PLCXD3: variants seen among roughly 807,000 people sequenced by gnomAD.
PLCXD3 encodes PI-PLC X domain-containing protein 3.
Under a neutral mutation model 25.5 loss-of-function variants are expected in PLCXD3, and 19 were observed. The ratio of observed to expected loss-of-function variants is 0.75; its 90% confidence interval spans 0.52 to 1.09. PLCXD3 has a LOEUF of 1.09. PLCXD3 is among the 50% of genes least tolerant of loss of function. PLCXD3 has a pLI of 0.00. For missense variants in PLCXD3, 411 were observed against 388.1 expected, an observed-to-expected ratio of 1.06 and a Z score of -0.50; for synonymous variants, 174 against 137.6, an observed-to-expected ratio of 1.26 and a Z score of -1.85.
intron 1 of PLCXD3, among the ~76,000 whole-genome samples, chr5:41,490,030 C>A (rs1373156840): frequency 1.3e-5 from 2 of 151,944 alleles, no homozygotes; most frequent in East Asian, 3.9e-4. Flanking sequence ...AAAGGGAATG[C>A]TTCCAGTTTT....
At position 41,383,434 on chromosome 5, in the gene PLCXD3, A is replaced by G. The variant is rs575818977; in HGVS notation, c.104-900T>C. ...ATGAACATGTGTGTGATTTGTCACAAATAGAGAGTGCCATTTGAAACTCTT... is the reference window on the plus strand; with the variant it reads ...ATGAACATGTGTGTGATTTGTCACAGATAGAGAGTGCCATTTGAAACTCTT... On this transcript the variant is annotated intron_variant, in intron 1 of 2. Coordinates refer to ENST00000377801, the MANE Select transcript of PLCXD3 (RefSeq NM_001005473.3). Among the ~76,000 whole-genome samples, 145 of 152,238 alleles carry G rather than the reference A, an allele frequency of 9.5e-4. 3 individuals carry two copies. The South Asian group carries it at 0.016, about 16-fold the overall frequency.
chr5:41,333,269 C>T (rs1205843342), intron 2 of PLCXD3, among the ~76,000 whole-genome samples: 2 of 152,026 alleles, frequency 1.3e-5, no homozygotes, highest in Non-Finnish European at 2.9e-5. Flanking sequence ...ACTGAGCCCC[C>T]ACAGACCAAC....
At chr5:41,357,495 C>T (rs1744652291) in intron 2 of PLCXD3, among the ~76,000 whole-genome samples, 1 of 152,182 alleles carries the variant, frequency 6.6e-6, no homozygotes, top group Admixed American at 6.5e-5. Flanking sequence ...TCCAAAACTA[C>T]TCAGAAAATG....
intron 1 of PLCXD3, among the ~76,000 whole-genome samples, chr5:41,480,393 G>GTTT (rs564276013): frequency 1.9e-4 from 20 of 107,900 alleles, no homozygotes; most frequent in South Asian, 1.2e-3. Context: ...TAACAAAGTT[G>GTTT]TTTTTTTTTT....
At chr5:41,425,992 TATG>T (rs1293164835) in intron 1 of PLCXD3, among the ~76,000 whole-genome samples, 2 of 152,210 alleles carry the variant, frequency 1.3e-5, no homozygotes, top group South Asian at 2.1e-4. Flanking sequence ...TGCTGGATTG[TATG>T]ATAAGAGTAT....
At chr5:41,452,315 C>G (rs1014133531) in intron 1 of PLCXD3, among the ~76,000 whole-genome samples, 8 of 152,056 alleles carry the variant, frequency 5.3e-5, no homozygotes, top group African/African-American at 1.9e-4. Context: ...CAAGAAAAAT[C>G]TGTATACATA....
At chr5:41,341,408 T>C (rs1744144902) in intron 2 of PLCXD3, among the ~76,000 whole-genome samples, 1 of 152,198 alleles carries the variant, frequency 6.6e-6, no homozygotes, top group Non-Finnish European at 1.5e-5. Flanking sequence ...TCATTCTACC[T>C]CATGATTACT....
intron 1 of PLCXD3, among the ~76,000 whole-genome samples, chr5:41,487,471 C>A (rs563037586): frequency 7.2e-5 from 11 of 152,056 alleles, no homozygotes; most frequent in Non-Finnish European, 1.2e-4. Context: ...TGACTATAGG[C>A]CAGGGAACCA....
intron 1 of PLCXD3, among the ~76,000 whole-genome samples, chr5:41,501,019 C>A (rs1330178480): frequency 6.6e-6 from 1 of 151,872 alleles, no homozygotes; most frequent in Non-Finnish European, 1.5e-5. Flanking sequence ...TCACCTAATA[C>A]CTGTTAGGAT....
chr5:41,350,781 T>C (rs1302383001), intron 2 of PLCXD3, among the ~76,000 whole-genome samples: 1 of 152,244 alleles, frequency 6.6e-6, no homozygotes, highest in African/African-American at 2.4e-5. Context: ...CCCAGGAAGT[T>C]ACCTCTTAAA....
Position 41,382,495 on chromosome 5 carries a change from G to A in PLCXD3, c.143C>T (p.Ser48Phe), listed in dbSNP as rs774726602. Residue 48 changes from serine (S) to phenylalanine (F), a missense_variant, in exon 2 of 3, where the codon TCT becomes TTT. By Grantham distance (155) the Ser-to-Phe change is radical (BLOSUM62 -2). Transcript: ENST00000377801. ...TTCTGGCTGCTCAGGACCTACTGGA[G>A]AGGCTTCATCAATGTAGAAGCTGAA... is the stretch of plus-strand genomic sequence containing the variant. ...DSFSFYIDEA[S>F]PVGPEQPETV... 1.9e-6 allele frequency: 3 copies of A among 1,607,738 alleles called. No homozygotes were observed. Among genetic ancestry groups the A allele is most frequent in the Non-Finnish European group, 2.5e-6 (3 of 1,179,304 alleles).
chr5:41,320,096 G>A (rs1396269051), intron 2 of PLCXD3, among the ~76,000 whole-genome samples: 1 of 151,994 alleles, frequency 6.6e-6, no homozygotes, highest in Non-Finnish European at 1.5e-5. Flanking sequence ...AACAAGTAAT[G>A]AGATCAAAGC....
At chr5:41,506,499 A>T (rs1749054186) in intron 1 of PLCXD3, among the ~76,000 whole-genome samples, 1 of 152,196 alleles carries the variant, frequency 6.6e-6, no homozygotes, top group East Asian at 1.9e-4. Flanking sequence ...AGGAGGTGAG[A>T]ACTGCTCTTG....
At chr5:41,435,951 ACCTGCCAGCCTGG>A (rs1279320815) in intron 1 of PLCXD3, among the ~76,000 whole-genome samples, 1 of 152,168 alleles carries the variant, frequency 6.6e-6, no homozygotes, top group Non-Finnish European at 1.5e-5. Context: ...GTGCCTCTGC[ACCTGCCAGCCTGG>A]CCTGCCCTGA....
rs1298515972 is a variant in PLCXD3 at position 41,506,207 on chromosome 5, A to T, written c.103+4217T>A. 2.6e-5 allele frequency among the ~76,000 whole-genome samples: 4 copies of T among 152,236 alleles called. No individual in the cohort carries two copies. The East Asian group carries it at 7.7e-4, about 29-fold the overall frequency. The stretch of plus-strand genomic sequence containing the variant: ...GAAGATTATTGTTAGAATGTGGGAA[A>T]AGCATATGTGTGCATAGGAAGACAC... On this transcript the variant is annotated intron_variant, in intron 1 of 2. Coordinates refer to ENST00000377801, the MANE Select transcript of PLCXD3 (RefSeq NM_001005473.3).
intron 2 of PLCXD3, among the ~76,000 whole-genome samples, chr5:41,349,803 C>T (rs1744400322): frequency 1.3e-5 from 2 of 152,290 alleles, no homozygotes; most frequent in South Asian, 2.1e-4. Flanking sequence ...CCTGTAGTTA[C>T]AGAGCACTAG....
At chr5:41,330,918 A>G (rs1351672631) in intron 2 of PLCXD3, among the ~76,000 whole-genome samples, 2 of 152,218 alleles carry the variant, frequency 1.3e-5, no homozygotes, top group Non-Finnish European at 2.9e-5. Context: ...AAAACTCTCA[A>G]TAAATTAGGT....
chr5:41,334,609 T>G (rs1743926564), intron 2 of PLCXD3, among the ~76,000 whole-genome samples: 1 of 152,312 alleles, frequency 6.6e-6, no homozygotes, highest in East Asian at 1.9e-4. Flanking sequence ...GCTTTTGTTT[T>G]GTTTAACAAA....
intron 1 of PLCXD3, among the ~76,000 whole-genome samples, chr5:41,431,694 A>T (rs1685068737): frequency 6.6e-6 from 1 of 152,218 alleles, no homozygotes; most frequent in Admixed American, 6.5e-5. Flanking sequence ...TTAAATGTGG[A>T]GTATTTTACA....
Sources: allele counts gnomAD v4.1 joint callset (sites outside exome capture counted in the v4.1 genomes callset), GRCh38; gene constraint gnomAD v4.1.1; transcripts MANE v1.5; gene names NCBI Gene and HGNC (gene_info 2026-07-23, HGNC 2026-07-21).